The following USP28 variants were observed in gnomAD, a reference collection of about 807,000 sequenced individuals.
USP28 encodes ubiquitin specific peptidase 28.
In USP28, 113 loss-of-function variants were observed where a neutral mutation model predicts 145.0. That is an observed-to-expected ratio of 0.78 (90% CI 0.67 to 0.91). The LOEUF (loss-of-function observed/expected upper bound fraction) is 0.91, where lower values mean the gene tolerates loss of function less well. Ranked by LOEUF, USP28 falls within the 40% of genes least tolerant of loss-of-function variation. The pLI, the probability that USP28 is intolerant of heterozygous loss-of-function variation, is 0.00. For synonymous variants in USP28, 447 were observed against 450.9 expected (o/e 0.99, Z 0.11); for missense variants, 1,201 against 1,289.6 (o/e 0.93, Z 1.05).
intron 11 of USP28, among the ~76,000 whole-genome samples, chr11:113,824,320 A>G (rs1943043647): frequency 6.6e-6 from 1 of 151,928 alleles, no homozygotes. Context: ...GAAGGACTCA[A>G]TATTATTATT....
intron 1 of USP28, among the ~76,000 whole-genome samples, chr11:113,871,511 C>A (rs1030653598): frequency 2.0e-5 from 3 of 152,158 alleles, no homozygotes; most frequent in African/African-American, 7.2e-5. Flanking sequence ...GCACTACATT[C>A]CAGTAGCATC....
intron 1 of USP28, chr11:113,874,449 AGTGT>A: frequency 1.2e-6 from 1 of 856,410 alleles, no homozygotes. Flanking sequence ...AAAAAAAAAA[AGTGT>A]CTCCATGCTA....
chr11:113,834,513 A>G (rs1944351363), intron 5 of USP28, among the ~76,000 whole-genome samples, 178 bp from the exon 6 acceptor site: 1 of 152,266 alleles, frequency 6.6e-6, no homozygotes, highest in African/African-American at 2.4e-5. Flanking sequence ...ATTAGCTCAA[A>G]GAATATTAAT....
intron 3 of USP28, among the ~76,000 whole-genome samples, chr11:113,847,746 T>C (rs144224234): frequency 6.6e-6 from 1 of 152,338 alleles, no homozygotes; most frequent in African/African-American, 2.4e-5. Flanking sequence ...CCAGCAATTC[T>C]ATTTCTAGGT....
chr11:113,804,431 G>A (rs1939579785), intron 21 of USP28, among the ~76,000 whole-genome samples: 1 of 152,118 alleles, frequency 6.6e-6, no homozygotes, highest in South Asian at 2.1e-4. Context: ...CCTAGGACAA[G>A]GCTAAAATAG....
chr11:113,804,578 G>T, intron 21 of USP28, 95 bp downstream of exon 22: 2 of 1,131,910 alleles, frequency 1.8e-6, no homozygotes, highest in Non-Finnish European at 2.5e-6. Flanking sequence ...GAACAAGTCA[G>T]TTTGTAATAG....
intron 3 of USP28, among the ~76,000 whole-genome samples, chr11:113,850,207 A>G (rs1946307821): frequency 6.6e-6 from 1 of 152,170 alleles, no homozygotes; most frequent in South Asian, 2.1e-4. Flanking sequence ...CATTACCTAT[A>G]AAGTTGAAGA....
chr11:113,869,905 GTAA>G (rs1948651722), intron 1 of USP28, among the ~76,000 whole-genome samples: 1 of 152,134 alleles, frequency 6.6e-6, no homozygotes, highest in African/African-American at 2.4e-5. Flanking sequence ...GTTCACGCCT[GTAA>G]TCCCAGCACT....
At chr11:113,799,355 A>G in exon 25 of USP28, 1 of 1,614,242 alleles carries the variant, frequency 6.2e-7, no homozygotes, top group Non-Finnish European at 8.5e-7. Context: ...CAAGACGATG[A>G]TTTCTGCAGA....
chr11:113,806,714 G>A (rs906892443), intron 18 of USP28, 130 bp from the exon 20 acceptor site: 1 of 575,434 alleles, frequency 1.7e-6, no homozygotes, highest in Non-Finnish European at 2.9e-6. Flanking sequence ...AGCATGTATT[G>A]CAAGCTGAGT....
intron 1 of USP28, among the ~76,000 whole-genome samples, chr11:113,871,770 T>G (rs1393890710): frequency 6.6e-6 from 1 of 152,148 alleles, no homozygotes; most frequent in Non-Finnish European, 1.5e-5. Context: ...AAGAAGATTA[T>G]CTATTTAGAA....
In USP28 at chr11:113,819,297, G is replaced by A. The variant is rs191005083; in HGVS notation, c.1284-1460C>T. 7.6e-3 allele frequency among the ~76,000 whole-genome samples: 1,159 copies of A among 152,002 alleles called. 14 individuals carry two copies. The highest frequency in any genetic ancestry group is 0.027 in the African/African-American group (1,120 of 41,468). On this transcript the variant is annotated intron_variant, in intron 12 of 24. Transcript: ENST00000003302. ...CCAGCTAATTTTTATATTTTTAGTA[G>A]AGATGGGGTTTTGCTGTGTCAGCCA...
chr11:113,854,284 G>T, exon 2 of USP28: 1 of 1,613,960 alleles, frequency 6.2e-7, no homozygotes, highest in Non-Finnish European at 8.5e-7. Context: ...AGAAAGGAAG[G>T]GTCCTGAATG....
chr11:113,808,562 C>A, intron 17 of USP28, 125 bp from the exon 18 acceptor site: 1 of 1,012,984 alleles, frequency 9.9e-7, no homozygotes, highest in Non-Finnish European at 1.3e-6. Context: ...TTTACAAAAG[C>A]CTATGCAGAT....
intron 3 of USP28, among the ~76,000 whole-genome samples, chr11:113,845,586 C>A (rs945899166): frequency 1.3e-5 from 2 of 152,030 alleles, no homozygotes; most frequent in African/African-American, 2.4e-5. Context: ...AAAGCAGGGT[C>A]TTTTTTTGAG....
At position 113,827,233 on chromosome 11, in the gene USP28, C is replaced by T. The variant is rs370212492; in HGVS notation, c.1187G>A (p.Arg396Lys). 1.6e-4 allele frequency: 259 copies of T among 1,603,558 alleles called. No individual in the cohort carries two copies. Among genetic ancestry groups the T allele is most frequent in the Non-Finnish European group, 2.1e-4 (250 of 1,177,028 alleles). The change falls in exon 11 of 25, where the codon AGG (arginine) becomes AAG (lysine). Residue 396 changes from arginine to lysine, a missense_variant and splice_region_variant. Coordinates refer to ENST00000003302, the Ensembl canonical transcript of USP28. ...AAAAAAAAATCAGCCAAGAACTCAC[C>T]TGTCCATATAAATAATCTGAGGAAA...
chr11:113,841,590 G>C, intron 4 of USP28, 73 bp downstream of exon 4: 1 of 866,576 alleles, frequency 1.2e-6, no homozygotes, highest in Non-Finnish European at 1.8e-6. Context: ...ATTCCTGAGT[G>C]GCATTCACAG....
chr11:113,847,231 T>A (rs1251671789), intron 3 of USP28, among the ~76,000 whole-genome samples: 2 of 152,072 alleles, frequency 1.3e-5, no homozygotes, highest in Non-Finnish European at 2.9e-5. Flanking sequence ...CAACCAGACA[T>A]TATATGCTTC....
chr11:113,829,350 G>A lies in USP28; in HGVS notation c.911-5C>T, dbSNP rs1565404983. ...CATTGTTACAAAAGGGTTTTCCTAG[G>A]CAAAGAGAGAGACTTTTTAAAAAAG... is the stretch of plus-strand genomic sequence containing the variant. On this transcript the variant is annotated splice_region_variant and splice_polypyrimidine_tract_variant and intron_variant, in intron 9 of 24. Transcript: ENST00000003302. The A allele has an allele frequency of 1.2e-6, 2 of 1,612,188 alleles. No individual in the cohort carries two copies. The highest frequency in any genetic ancestry group is 2.2e-5 in the East Asian group (1 of 44,878).
Sources: allele counts gnomAD v4.1 joint callset (sites outside exome capture counted in the v4.1 genomes callset), GRCh38; gene constraint gnomAD v4.1.1; transcripts MANE v1.5; gene names NCBI Gene and HGNC (gene_info 2026-07-23, HGNC 2026-07-21).